The following CDH13 variants were observed in gnomAD, a reference collection of about 807,000 sequenced individuals.
CDH13 encodes the protein cadherin 13, also known as cadherin-13.
In CDH13, 24 loss-of-function variants were observed where a neutral mutation model predicts 63.8. The ratio of observed to expected loss-of-function variants is 0.38; its 90% CI spans 0.27 to 0.53. CDH13 has a LOEUF of 0.53. CDH13 is among the 20% of genes least tolerant of loss of function. CDH13 has a pLI of 0.85. For synonymous variants in CDH13, 503 were observed against 355.3 expected, an observed-to-expected ratio of 1.42 and a Z score of -4.67; for missense variants, 1,049 against 903.1, an observed-to-expected ratio of 1.16 and a Z score of -2.07.
In CDH13 at chr16:82,668,329, C is replaced by T. The variant is rs963247168; in HGVS notation, c.45+41192C>T. Reference sequence around the variant, plus strand: ...CCAACCCCAGGGATGGCATCAGGCCCGCTGATAATTAAAGGGTGCCTAGGA... The same window carrying T: ...CCAACCCCAGGGATGGCATCAGGCCTGCTGATAATTAAAGGGTGCCTAGGA... On this transcript the variant is annotated intron_variant, in intron 1 of 13. Coordinates refer to ENST00000567109, the MANE Select transcript of CDH13 (RefSeq NM_001257.5). Among the ~76,000 whole-genome samples, 17 of 152,130 alleles carry T rather than the reference C, an allele frequency of 1.1e-4. No individual in the cohort carries two copies. In the South Asian group the frequency reaches 1.5e-3, roughly 13 times the overall value.
intron 6 of CDH13, among the ~76,000 whole-genome samples, chr16:83,406,141 G>A (rs892581608): frequency 3.3e-5 from 5 of 152,186 alleles, no homozygotes; most frequent in Non-Finnish European, 7.3e-5. Context: ...GGGGTCAGTG[G>A]ATCAATGCCC....
At chr16:83,787,799 C>A (rs1915985284) in intron 13 of CDH13, among the ~76,000 whole-genome samples, 1 of 152,158 alleles carries the variant, frequency 6.6e-6, no homozygotes, top group African/African-American at 2.4e-5. Context: ...AAAAATTAGC[C>A]AGGCGTGGTG....
At chr16:82,927,225 A>G (rs1597228754) in intron 2 of CDH13, among the ~76,000 whole-genome samples, 1 of 152,160 alleles carries the variant, frequency 6.6e-6, no homozygotes, top group East Asian at 1.9e-4. Context: ...CTGAGGCTTG[A>G]CTTTACCATA....
chr16:83,412,239 A>G (rs935462606), intron 6 of CDH13, among the ~76,000 whole-genome samples: 2 of 152,202 alleles, frequency 1.3e-5, no homozygotes, highest in African/African-American at 4.8e-5. Flanking sequence ...AGGCTGATGG[A>G]TCACTTGAGG....
intron 4 of CDH13, among the ~76,000 whole-genome samples, chr16:83,209,922 G>A (rs1411993732): frequency 1.3e-5 from 2 of 152,164 alleles, no homozygotes; most frequent in Non-Finnish European, 2.9e-5. Flanking sequence ...TGGCCATCCA[G>A]CTAAAGAAAG....
At chr16:82,725,881 T>C (rs1337439498) in intron 1 of CDH13, among the ~76,000 whole-genome samples, 1 of 152,200 alleles carries the variant, frequency 6.6e-6, no homozygotes, top group Admixed American at 6.5e-5. Context: ...CAGTTACCTT[T>C]CTGTTCATAG....
intron 5 of CDH13, among the ~76,000 whole-genome samples, chr16:83,252,619 A>T (rs1905716725): frequency 6.6e-6 from 1 of 152,154 alleles, no homozygotes; most frequent in African/African-American, 2.4e-5. Flanking sequence ...TTGGTGTCTC[A>T]GCCACAGTGG....
intron 7 of CDH13, among the ~76,000 whole-genome samples, chr16:83,501,923 C>T (rs2074292646): frequency 6.6e-6 from 1 of 152,162 alleles, no homozygotes; most frequent in Non-Finnish European, 1.5e-5. Context: ...ATTAGAAAGC[C>T]CATGTGGTAC....
intron 9 of CDH13, among the ~76,000 whole-genome samples, chr16:83,672,519 G>A (rs938402842): frequency 1.5e-5 from 2 of 136,044 alleles, no homozygotes; most frequent in African/African-American, 5.5e-5. Context: ...CCACCTCCTG[G>A]GTTCAAGTGA....
At chr16:82,632,083 C>G (rs774539083) in intron 1 of CDH13, among the ~76,000 whole-genome samples, 3 of 152,144 alleles carry the variant, frequency 2.0e-5, no homozygotes, top group South Asian at 4.1e-4. Flanking sequence ...TCAGGCAACC[C>G]TAGATCCACA....
intron 1 of CDH13, among the ~76,000 whole-genome samples, chr16:82,764,286 C>G (rs2034965905): frequency 6.6e-6 from 1 of 152,170 alleles, no homozygotes; most frequent in South Asian, 2.1e-4. Flanking sequence ...AATTCAGCAG[C>G]TGATTATTTG....
intron 11 of CDH13, among the ~76,000 whole-genome samples, chr16:83,775,267 G>A (rs771985901): frequency 2.4e-4 from 36 of 151,720 alleles, no homozygotes; most frequent in African/African-American, 8.5e-4. Flanking sequence ...TGCAATCTGC[G>A]TGTCTGTGGA....
At chr16:83,666,566 G>A (rs1175265855) in intron 8 of CDH13, among the ~76,000 whole-genome samples, 1 of 152,236 alleles carries the variant, frequency 6.6e-6, no homozygotes, top group African/African-American at 2.4e-5. Flanking sequence ...TGCATAAGGT[G>A]ACTCTACCAC....
At chr16:83,311,486 A>G (rs1011393447) in intron 5 of CDH13, among the ~76,000 whole-genome samples, 4 of 152,200 alleles carry the variant, frequency 2.6e-5, no homozygotes, top group Non-Finnish European at 5.9e-5. Flanking sequence ...TCCCAAAGGC[A>G]TATGTACTGA....
At chr16:82,944,923 A>T (rs1042243855) in intron 2 of CDH13, among the ~76,000 whole-genome samples, 2 of 152,152 alleles carry the variant, frequency 1.3e-5, no homozygotes, top group Non-Finnish European at 2.9e-5. Flanking sequence ...GAGAAATTTT[A>T]AAAAAATACA....
chr16:82,755,051 C>T (rs555888145), intron 1 of CDH13, among the ~76,000 whole-genome samples: 70 of 152,256 alleles, frequency 4.6e-4, no homozygotes, highest in Non-Finnish European at 3.2e-4. Flanking sequence ...TTTATGTGTG[C>T]GTACACACAT....
intron 7 of CDH13, among the ~76,000 whole-genome samples, chr16:83,507,400 A>G (rs1239676260): frequency 1.3e-5 from 2 of 152,210 alleles, no homozygotes; most frequent in Admixed American, 6.5e-5. Context: ...AACCAAATAC[A>G]TTTAAAGCCA....
At chr16:82,873,106 C>A (rs1280959465) in intron 2 of CDH13, among the ~76,000 whole-genome samples, 1 of 152,062 alleles carries the variant, frequency 6.6e-6, no homozygotes, top group Non-Finnish European at 1.5e-5. Flanking sequence ...TTCTAAGAAG[C>A]CAAGTCCTAA....
chr16:83,326,598 C>T (rs1026202427), intron 5 of CDH13, among the ~76,000 whole-genome samples: 3 of 151,942 alleles, frequency 2.0e-5, no homozygotes, highest in African/African-American at 4.8e-5. Context: ...TACACTTTGC[C>T]TGGTAGTGGC....
Sources: allele counts gnomAD v4.1 joint callset (sites outside exome capture counted in the v4.1 genomes callset), GRCh38; gene constraint gnomAD v4.1.1; transcripts MANE v1.5; gene names NCBI Gene and HGNC (gene_info 2026-07-23, HGNC 2026-07-21).